Variants in TASOR observed in about 807,000 individuals in gnomAD.
TASOR encodes the protein transcription activation suppressor.
Under a neutral mutation model 178.6 loss-of-function variants are expected in TASOR, and 53 were observed. The observed-to-expected ratio is 0.30, with a 90% CI of 0.24 to 0.37. The LOEUF is 0.37. TASOR is among the 10% of genes least tolerant of loss of function. The pLI, the probability that TASOR is intolerant of heterozygous loss-of-function variation, is 1.00. For synonymous variants in TASOR, 713 were observed against 696.2 expected (o/e 1.02, Z -0.38); for missense variants, 1,815 against 1,971.4 (o/e 0.92, Z 1.50).
chr3:56,663,738 A>G, intron 7 of TASOR, 166 bp from the exon 8 acceptor site: 1 of 1,055,344 alleles, frequency 9.5e-7, no homozygotes. Flanking sequence ...AGTAAATCCA[A>G]GTCTACTTAG....
At chr3:56,678,903 G>C (rs1873256) in intron 1 of TASOR, among the ~76,000 whole-genome samples, 1 of 151,724 alleles carries the variant, frequency 6.6e-6, no homozygotes, top group Non-Finnish European at 1.5e-5. Flanking sequence ...CCGAACTACT[G>C]GGGGAGGCTA....
In TASOR at chr3:56,646,786, T is replaced by G; in HGVS notation, c.1951A>C (p.Lys651Gln). 2 of 1,613,972 alleles carry G rather than the reference T, an allele frequency of 1.2e-6. No homozygotes were observed. The highest frequency in any genetic ancestry group is 1.7e-6 in the Non-Finnish European group (2 of 1,179,980). Residue 651 changes from lysine (K) to glutamine (Q), a missense_variant, in exon 14 of 24, where the codon AAA (lysine) becomes CAA (glutamine). Transcript: ENST00000683822. ...CTTGAGTTATTTCGTTTTCCAAATTTCATTTTTGTACCATTCATTTCTTCT... is the reference window on the plus strand; with the variant it reads ...CTTGAGTTATTTCGTTTTCCAAATTGCATTTTTGTACCATTCATTTCTTCT... ...QEEEMNGTKM[K>Q]FGKRNNSRGE...
chr3:56,665,802 T>C (rs1017702497), intron 7 of TASOR, among the ~76,000 whole-genome samples: 10 of 152,050 alleles, frequency 6.6e-5, no homozygotes, highest in Non-Finnish European at 1.3e-4. Context: ...AAACCCCGTC[T>C]CTACTAAAAA....
rs924346989 is a variant in TASOR at position 56,646,880 on chromosome 3, T to A, written c.1857A>T (p.Leu619Phe). The A allele has an allele frequency of 6.8e-6, 11 of 1,606,476 alleles. No homozygotes were observed. The highest frequency in any genetic ancestry group is 4.5e-5 in the East Asian group (2 of 44,834). Residue 619 changes from leucine (L) to phenylalanine (F), a missense_variant, in exon 14 of 24, where the codon TTA becomes TTT. Leu to Phe is a conservative substitution (Grantham distance 22, BLOSUM62 0). This residue lies in a region of TASOR where 504 missense variants were observed against 645.3 expected (regional missense o/e 0.78). Transcript: ENST00000683822. ...PEVYQLPICK[L>F]KELFEENRKL... ...TTCTATTTTCTTCAAATAGTTCTTT[T>A]AATTTACAAATAGGTAACTGATACA...
At chr3:56,636,184 C>A (rs2077012003) in intron 17 of TASOR, among the ~76,000 whole-genome samples, 1 of 151,576 alleles carries the variant, frequency 6.6e-6, no homozygotes. Flanking sequence ...GTGGCGAGCA[C>A]CTGTAATCTC....
chr3:56,633,216 TTTG>T lies in TASOR; in HGVS notation c.3572_3574del (p.Thr1191del). The T allele has an allele frequency of 6.2e-7, 1 of 1,614,170 alleles. No individual in the cohort carries two copies. Among genetic ancestry groups the T allele is most frequent in the Non-Finnish European group, 8.5e-7 (1 of 1,180,018 alleles). ...AGAAATGTTTACATCACTGGGGGAT[TTTG>T]TTGTTTCTTCTACTGGTTCCCGGGC... On this transcript the variant is annotated inframe_deletion, in exon 18 of 24. Coordinates refer to ENST00000683822, the MANE Select transcript of TASOR (RefSeq NM_001365635.2).
intron 14 of TASOR, 151 bp downstream of exon 14, chr3:56,646,371 G>C: frequency 1.6e-6 from 1 of 640,116 alleles, no homozygotes; most frequent in East Asian, 2.7e-5. Context: ...ATAAATAAAT[G>C]GGCATGGCTG....
chr3:56,629,683 G>A (rs1374187324), intron 18 of TASOR, among the ~76,000 whole-genome samples: 1 of 152,190 alleles, frequency 6.6e-6, no homozygotes, highest in East Asian at 1.9e-4. Context: ...GTGGAATCCT[G>A]AACACTGAAG....
intron 11 of TASOR, among the ~76,000 whole-genome samples, chr3:56,657,118 A>C (rs1301525341): frequency 1.3e-5 from 2 of 152,048 alleles, no homozygotes; most frequent in Non-Finnish European, 2.9e-5. Context: ...TCATGAGGTC[A>C]AGAGTTCAAG....
intron 23 of TASOR, chr3:56,623,802 T>A (rs1354775197): frequency 2.6e-6 from 4 of 1,551,380 alleles, no homozygotes; most frequent in Non-Finnish European, 2.6e-6. Context: ...TGTTGGGAAA[T>A]CCCAACTCCC....
At chr3:56,665,503 C>T (rs376883698) in intron 7 of TASOR, among the ~76,000 whole-genome samples, 20 of 152,026 alleles carry the variant, frequency 1.3e-4, no homozygotes, top group South Asian at 1.0e-3. Context: ...ACTACAGGCA[C>T]GTACCACCAC....
At chr3:56,630,249 T>TA (rs1181987666) in intron 18 of TASOR, among the ~76,000 whole-genome samples, 3 of 152,158 alleles carry the variant, frequency 2.0e-5, no homozygotes, top group African/African-American at 7.2e-5. Context: ...GATGTCTTCT[T>TA]ACATTAAGAA....
chr3:56,621,592 GAA>G lies in TASOR; in HGVS notation c.*1443_*1444del, dbSNP rs1491578543. 3 of 1,598,850 alleles carry G rather than the reference GAA, an allele frequency of 1.9e-6. No individual in the cohort carries two copies. Among genetic ancestry groups the G allele is most frequent in the African/African-American group, 2.7e-5 (2 of 74,378 alleles). On this transcript the variant is annotated 3_prime_UTR_variant, in exon 24 of 24. Coordinates refer to ENST00000683822, the MANE Select transcript of TASOR (RefSeq NM_001365635.2). ...TCTCCTGCCTTTAGCTGAAAATCAAGAAGAGAGTTTTGGTTCTTCATTTTAAA... is the reference window on the plus strand; with the variant it reads ...TCTCCTGCCTTTAGCTGAAAATCAAGGAGAGTTTTGGTTCTTCATTTTAAA...
intron 17 of TASOR, 59 bp downstream of exon 17, chr3:56,638,647 G>GC: frequency 6.4e-7 from 1 of 1,568,632 alleles, no homozygotes; most frequent in Non-Finnish European, 8.8e-7. Flanking sequence ...TATCAGAAAT[G>GC]CAAGTAGCAA....
chr3:56,623,293 G>A lies in TASOR; in HGVS notation c.4757C>T (p.Ser1586Leu). The change falls in exon 24 of 24, where the codon TCA becomes TTA. Residue 1586 changes from serine (S) to leucine (L), a missense_variant. Transcript: ENST00000683822. ...IVCSEGENSN[S>L]TEQDSYSNFQ... is the part of the protein sequence containing the mutation. Reference sequence around the variant, plus strand: ...GTTACTATATGAATCTTGTTCTGTTGAATTGCTGTTCTCTCCTTCAGAGCA... The same window carrying A: ...GTTACTATATGAATCTTGTTCTGTTAAATTGCTGTTCTCTCCTTCAGAGCA... 1 of 1,613,494 alleles carries A rather than the reference G, an allele frequency of 6.2e-7. No individual in the cohort carries two copies. Among genetic ancestry groups the A allele is most frequent in the Non-Finnish European group, 8.5e-7 (1 of 1,179,936 alleles).
At chr3:56,667,563 A>T (rs1391912419) in intron 6 of TASOR, among the ~76,000 whole-genome samples, 1 of 152,238 alleles carries the variant, frequency 6.6e-6, no homozygotes, top group African/African-American at 2.4e-5. Flanking sequence ...AGGCTGAGGC[A>T]GGAGAATCAT....
At position 56,633,569 on chromosome 3, in the gene TASOR, C is replaced by T; in HGVS notation, c.3222G>A (p.Val1074=). 1 of 1,614,130 alleles carries T rather than the reference C, an allele frequency of 6.2e-7. No homozygotes were observed. Among genetic ancestry groups the T allele is most frequent in the Non-Finnish European group, 8.5e-7 (1 of 1,180,040 alleles). Residue 1074 remains valine (V), a synonymous_variant, in exon 18 of 24, where the codon GTG becomes GTA. Transcript: ENST00000683822. The part of the protein sequence containing the change: ...FIYSKTSKAG[V]QEFVDGLHEK... ...CATGCAAACCATCTACAAACTCCTG[C>T]ACACCAGCTTTGGAAGTCTTAGAAT...
intron 17 of TASOR, 127 bp downstream of exon 17, chr3:56,638,579 G>A: frequency 1.3e-6 from 1 of 753,420 alleles, no homozygotes; most frequent in Non-Finnish European, 2.3e-6. Flanking sequence ...AAATAAATAT[G>A]GTACTGTCCA....
chr3:56,669,865 A>G, intron 4 of TASOR, 74 bp from the exon 5 acceptor site: 1 of 1,141,504 alleles, frequency 8.8e-7, no homozygotes, highest in South Asian at 1.5e-5. Context: ...AGACATTTTT[A>G]AGAAGTTATC....
Sources: allele counts gnomAD v4.1 joint callset (sites outside exome capture counted in the v4.1 genomes callset), GRCh38; gene constraint gnomAD v4.1.1; regional missense constraint gnomAD v4.1.1; transcripts MANE v1.5; gene names NCBI Gene and HGNC (gene_info 2026-07-23, HGNC 2026-07-21).